Variants in LRIT2 observed in about 807,000 individuals in gnomAD.
LRIT2 encodes leucine rich repeat, Ig-like and transmembrane domains 2.
A neutral mutation model predicts 22.4 loss-of-function variants in LRIT2; 23 were observed. That is an observed-to-expected ratio of 1.03 (90% CI 0.74 to 1.45). The LOEUF (loss-of-function observed/expected upper bound fraction) is 1.45. Ranked by LOEUF, LRIT2 falls within the 40% of genes most tolerant of loss-of-function variation. The probability of loss-of-function intolerance (pLI) is 0.00; values close to 1 mark genes in which losing one functional copy is unlikely to be tolerated. For synonymous variants in LRIT2, 291 were observed against 267.1 expected (o/e 1.09, Z -0.87); for missense variants, 784 against 665.6 (o/e 1.18, Z -1.96).
chr10:84,221,701 T>C lies in LRIT2; in HGVS notation c.*219A>G, dbSNP rs1842506566. The C allele has an allele frequency of 1.2e-5, 5 of 410,362 alleles. No individual in the cohort carries two copies. Among genetic ancestry groups the C allele is most frequent in the Admixed American group, 3.9e-5 (1 of 25,674 alleles). The allele number at this position is 410,362 out of a possible 1,614,324, so 25.4% of individuals were successfully genotyped here. On this transcript the variant is annotated 3_prime_UTR_variant, in exon 3 of 3. Transcript: ENST00000372113. ...GATTAATTTGATGGACAAATCTTCA[T>C]TGACTTTAACTTTACGAAGATAATG...
At position 84,222,328 on chromosome 10, in the gene LRIT2, G is replaced by A. The variant is rs1474566850; in HGVS notation, c.1245C>T (p.Ile415=). ...RKEVVHIGPG[I]NTYAVDDLLP... is the part of the protein sequence containing the mutation. ...GGAGGTCATCCACAGCATAAGTATT[G>A]ATTCCGGGGCCAATGTGAACCACCT... is the stretch of plus-strand genomic sequence containing the variant. Residue 415 remains isoleucine (I), a synonymous_variant, in exon 3 of 3, where the codon ATC becomes ATT. Coordinates refer to ENST00000372113, the MANE Select transcript of LRIT2 (RefSeq NM_001017924.5). The A allele has an allele frequency of 6.2e-7, 1 of 1,614,082 alleles. No homozygotes were observed. The highest frequency in any genetic ancestry group is 2.2e-5 in the East Asian group (1 of 44,884).
Position 84,224,499 on chromosome 10 carries a change from A to G in LRIT2, c.726T>C (p.Phe242=). 1 of 1,614,226 alleles carries G rather than the reference A, an allele frequency of 6.2e-7. No homozygotes were observed. Among genetic ancestry groups the G allele is most frequent in the Non-Finnish European group, 8.5e-7 (1 of 1,180,034 alleles). Residue 242 remains phenylalanine, a synonymous_variant, in exon 2 of 3, where the codon TTT becomes TTC. Coordinates refer to ENST00000372113, the MANE Select transcript of LRIT2 (RefSeq NM_001017924.5). The part of the protein sequence containing the change: ...QGPLSKAGQL[F]HETELSACMK... ...TGCAAGCACTAAGCTCAGTTTCATG[A>G]AAAAGCTGCCCTGCCTTGGACAGAG...
At position 84,225,307 on chromosome 10, in the gene LRIT2, G is replaced by C. The variant is rs1268726030; in HGVS notation, c.110+104C>G. ...TCCCAACTAGAATGAGTCTCATAGA[G>C]TTTTGCTGATTTCCTGCCAATTCTA... On this transcript the variant is annotated intron_variant, in intron 1 of 2. Coordinates refer to ENST00000372113, the MANE Select transcript of LRIT2 (RefSeq NM_001017924.5). 1.3e-5 allele frequency: 18 copies of C among 1,375,972 alleles called. No homozygotes were observed. In the East Asian group the frequency reaches 4.5e-4, roughly 34 times the overall value. The allele number at this position is 1,375,972 out of a possible 1,614,324, so 85.2% of individuals were successfully genotyped here. A position where few individuals can be genotyped will look rare whatever the true frequency, so the allele number is the denominator to read the frequency against.
At chr10:84,225,236 G>T (rs546773042) in intron 1 of LRIT2, 122 bp from the exon 2 acceptor site, 926 of 1,213,892 alleles carry the variant, frequency 7.6e-4, no homozygotes, top group Non-Finnish European at 1.0e-3. Context: ...TGAAATAAAA[G>T]AGTTAGACTC....
chr10:84,222,508 A>G lies in LRIT2; in HGVS notation c.1065T>C (p.Ser355=). The G allele has an allele frequency of 6.2e-7, 1 of 1,614,022 alleles. No homozygotes were observed. The highest frequency in any genetic ancestry group is 8.5e-7 in the Non-Finnish European group (1 of 1,180,014). Residue 355 remains serine (S), a synonymous_variant, in exon 3 of 3, where the codon TCT becomes TCC. Transcript: ENST00000372113. The part of the protein sequence containing the change: ...QPAQALHAPD[S]LSIPSEGNAY... ...CATTGCCCTCCGAGGGGATGGAAAG[A>G]GAATCAGGTGCATGTAGGGCCTGGG...
At position 84,224,377 on chromosome 10, in the gene LRIT2, G is replaced by A; in HGVS notation, c.848C>T (p.Ser283Phe). The A allele has an allele frequency of 6.2e-7, 1 of 1,614,122 alleles. No homozygotes were observed. Among genetic ancestry groups the A allele is most frequent in the Non-Finnish European group, 8.5e-7 (1 of 1,180,028 alleles). ...RCLAQASPSP[S>F]IAWTYPLSMW... ...ACTCAGGGGATAAGTCCATGCAATG[G>A]ATGGTGAGGGGCTGGCCTGTGCCAA... The change falls in exon 2 of 3, where the codon TCC becomes TTC. Residue 283 changes from serine to phenylalanine, a missense_variant. Transcript: ENST00000372113.
In LRIT2 at chr10:84,222,490, C is replaced by A; in HGVS notation, c.1083G>T (p.Glu361Asp). 6.2e-7 allele frequency: 1 copy of A among 1,614,036 alleles called. No homozygotes were observed. Among genetic ancestry groups the A allele is most frequent in the South Asian group, 1.1e-5 (1 of 91,080 alleles). The change falls in exon 3 of 3, where the codon GAG becomes GAT. Residue 361 changes from glutamate to aspartate, a missense_variant. Glu to Asp is a conservative substitution (Grantham distance 45). Transcript: ENST00000372113. ...CCCGCAGGTCAATGTAGGCATTGCC[C>A]TCCGAGGGGATGGAAAGAGAATCAG... ...HAPDSLSIPSEGNAYIDLRVV... is the reference protein window; with the variant it reads ...HAPDSLSIPSDGNAYIDLRVV...
rs150620602 is a variant in LRIT2 at position 84,222,042 on chromosome 10, G to C, written c.1531C>G (p.Pro511Ala). ...LHRRKAPSCT[P>A]AAPQSKDGSF... ...CCATCCTTGGACTGCGGGGCTGCAGGGGTGCAGCTGGGGGCTTTCCTGCGA... is the reference window on the plus strand; with the variant it reads ...CCATCCTTGGACTGCGGGGCTGCAGCGGTGCAGCTGGGGGCTTTCCTGCGA... The change falls in exon 3 of 3, where the codon CCT (proline) becomes GCT (alanine). Residue 511 changes from proline (P) to alanine (A), a missense_variant. Coordinates refer to ENST00000372113, the MANE Select transcript of LRIT2 (RefSeq NM_001017924.5). The C allele has an allele frequency of 3.7e-5, 59 of 1,610,906 alleles. No individual in the cohort carries two copies. The highest frequency in any genetic ancestry group is 2.0e-4 in the Admixed American group (12 of 59,786).
Position 84,222,124 on chromosome 10 carries a change from G to A in LRIT2, c.1449C>T (p.Ala483=), listed in dbSNP as rs750486199. ...AGCTGCAGGGGCCCTGGGCTGCCCAGGCATAGGCGCCCACAGGCACTGCAA... is the reference window on the plus strand; with the variant it reads ...AGCTGCAGGGGCCCTGGGCTGCCCAAGCATAGGCGCCCACAGGCACTGCAA... The part of the protein sequence containing the change: ...VLLAVPVGAY[A]WAAQGPCSCS... Residue 483 remains alanine, a synonymous_variant, in exon 3 of 3, where the codon GCC becomes GCT. Coordinates refer to ENST00000372113, the MANE Select transcript of LRIT2 (RefSeq NM_001017924.5). The A allele has an allele frequency of 3.1e-6, 5 of 1,609,250 alleles. No individual in the cohort carries two copies. The highest frequency in any genetic ancestry group is 2.2e-5 in the East Asian group (1 of 44,744).
In LRIT2 at chr10:84,222,174, T is replaced by C. The variant is rs1372676962; in HGVS notation, c.1399A>G (p.Thr467Ala). 1.9e-6 allele frequency: 3 copies of C among 1,614,018 alleles called. No individual in the cohort carries two copies. The Admixed American group carries it at 5.0e-5, about 27-fold the overall frequency. ...LEAREHLLHV[T>A]VVLCVVLLAV... ...AGCAGCACCACACACAGGACCACTG[T>C]GACATGCAGGAGGTGCTCACGTGCC... The change falls in exon 3 of 3, where the codon ACA becomes GCA. Residue 467 changes from threonine (T) to alanine (A), a missense_variant. Transcript: ENST00000372113.
rs908905670 is a variant in LRIT2, at chr10:84,221,870, G to T, written c.*50C>A. The T allele has an allele frequency of 9.3e-6, 14 of 1,500,148 alleles. No homozygotes were observed. Among genetic ancestry groups the T allele is most frequent in the Non-Finnish European group, 1.2e-5 (14 of 1,122,106 alleles). 92.9% of individuals were successfully genotyped at this position (1,500,148 alleles called of 1,614,324 possible). ...TGGATGGAGCTGCTGCAGAGGGTTG[G>T]TTTCAGAGGCTTGAAGCCCAAGCCG... On this transcript the variant is annotated 3_prime_UTR_variant, in exon 3 of 3. Coordinates refer to ENST00000372113, the MANE Select transcript of LRIT2 (RefSeq NM_001017924.5).
Position 84,225,070 on chromosome 10 carries a change from T to C in LRIT2, c.155A>G (p.Asn52Ser), listed in dbSNP as rs1419904898. The C allele has an allele frequency of 3.7e-6, 6 of 1,613,866 alleles. No individual in the cohort carries two copies. The highest frequency in any genetic ancestry group is 4.2e-6 in the Non-Finnish European group (5 of 1,179,962). ...TSVSLGKIPG[N>S]LSEEFKQVRI... ...CACTTGCTTGAACTCTTCAGAAAGGTTCCCAGGGATCTTTCCCAAGGAGAC... is the reference window on the plus strand; with the variant it reads ...CACTTGCTTGAACTCTTCAGAAAGGCTCCCAGGGATCTTTCCCAAGGAGAC... Residue 52 changes from asparagine (N) to serine (S), a missense_variant, in exon 2 of 3, where the codon AAC (asparagine) becomes AGC (serine). By Grantham distance (46) the Asn-to-Ser change is conservative (BLOSUM62 1). Coordinates refer to ENST00000372113, the MANE Select transcript of LRIT2 (RefSeq NM_001017924.5).
rs567372398 is a variant in LRIT2, at chr10:84,222,150, G to A, written c.1423C>T (p.Leu475Phe). The A allele has an allele frequency of 1.2e-6, 2 of 1,612,502 alleles. No individual in the cohort carries two copies. Among genetic ancestry groups the A allele is most frequent in the Non-Finnish European group, 1.7e-6 (2 of 1,178,928 alleles). Residue 475 changes from leucine to phenylalanine, a missense_variant, in exon 3 of 3, where the codon CTT becomes TTT. Leu to Phe is a conservative substitution (Grantham distance 22). Coordinates refer to ENST00000372113, the MANE Select transcript of LRIT2 (RefSeq NM_001017924.5). ...HVTVVLCVVL[L>F]AVPVGAYAWA... ...GCATAGGCGCCCACAGGCACTGCAA[G>A]CAGCACCACACACAGGACCACTGTG...
Position 84,222,686 on chromosome 10 carries a change from T to G in LRIT2, c.893-6A>C. The G allele has an allele frequency of 6.2e-7, 1 of 1,612,392 alleles. No individual in the cohort carries two copies. The highest frequency in any genetic ancestry group is 8.5e-7 in the Non-Finnish European group (1 of 1,178,554). ...TCCAGTAGAAGATGTCAACACTGGG[T>G]GGAAAGAAAAACAAAACAGCTGTGC... On this transcript the variant is annotated splice_polypyrimidine_tract_variant and splice_region_variant and intron_variant, in intron 2 of 2. Transcript: ENST00000372113.
rs775613286 is a variant in LRIT2, at chr10:84,222,464, A to T, written c.1109T>A (p.Val370Asp). The change falls in exon 3 of 3, where the codon GTT becomes GAT. Residue 370 changes from valine to aspartate, a missense_variant. Transcript: ENST00000372113. ...AATCCCATGCACTGTCTGCTTGACA[A>T]CCCGCAGGTCAATGTAGGCATTGCC... ...SEGNAYIDLR[V>D]VKQTVHGILL... 1 of 1,613,880 alleles carries T rather than the reference A, an allele frequency of 6.2e-7. No individual in the cohort carries two copies. The highest frequency in any genetic ancestry group is 8.5e-7 in the Non-Finnish European group (1 of 1,179,982).
intron 2 of LRIT2, among the ~76,000 whole-genome samples, chr10:84,224,094 T>G (rs1842537124): frequency 6.6e-6 from 1 of 152,270 alleles, no homozygotes; most frequent in Admixed American, 6.5e-5. Context: ...TATGTGTTTA[T>G]ATATGTGTAT....
intron 1 of LRIT2, 61 bp downstream of exon 1, chr10:84,225,350 C>T: frequency 1.3e-6 from 2 of 1,558,580 alleles, no homozygotes; most frequent in Admixed American, 1.9e-5. Flanking sequence ...TTCCACTCCA[C>T]ATCATCCCCA....
chr10:84,221,731 T>C lies in LRIT2; in HGVS notation c.*189A>G. The C allele has an allele frequency of 2.3e-6, 1 of 444,306 alleles. No individual in the cohort carries two copies. The highest frequency in any genetic ancestry group is 8.3e-5 in the South Asian group (1 of 12,096). The allele number at this position is 444,306 out of a possible 1,614,324, so 27.5% of individuals were successfully genotyped here. ...TTTAACTTTACGAAGATAATGACTATGTCCCCTTTATCATGAAGATAAAGA... is the reference window on the plus strand; with the variant it reads ...TTTAACTTTACGAAGATAATGACTACGTCCCCTTTATCATGAAGATAAAGA... On this transcript the variant is annotated 3_prime_UTR_variant, in exon 3 of 3. Transcript: ENST00000372113.
In LRIT2 at chr10:84,224,871, T is replaced by C. The variant is rs1479001809; in HGVS notation, c.354A>G (p.Val118=). ...LRLEGNKLCS[V]PWTAFRATPL... The stretch of plus-strand genomic sequence containing the variant: ...GGGTGGCACGGAACGCTGTCCATGG[T>C]ACTGAGCAGAGCTTGTTCCCCTCCA... The change falls in exon 2 of 3, where the codon GTA becomes GTG. Residue 118 remains valine (V), a synonymous_variant. Coordinates refer to ENST00000372113, the MANE Select transcript of LRIT2 (RefSeq NM_001017924.5). The C allele has an allele frequency of 6.2e-7, 1 of 1,614,156 alleles. No individual in the cohort carries two copies. The highest frequency in any genetic ancestry group is 8.5e-7 in the Non-Finnish European group (1 of 1,180,016).
Sources: allele counts gnomAD v4.1 joint callset (sites outside exome capture counted in the v4.1 genomes callset), GRCh38; gene constraint gnomAD v4.1.1; transcripts MANE v1.5; gene names NCBI Gene and HGNC (gene_info 2026-07-23, HGNC 2026-07-21).